Variants in DIP2B observed in about 807,000 individuals in gnomAD.
DIP2B encodes the protein disco-interacting protein 2 homolog B.
A neutral mutation model predicts 198.0 loss-of-function variants in DIP2B; 76 were observed. That is an observed-to-expected ratio of 0.38 (90% CI 0.32 to 0.46). The LOEUF is 0.46. Ranked by LOEUF, DIP2B falls within the 20% of genes least tolerant of loss-of-function variation. DIP2B has a pLI of 0.99. For missense variants in DIP2B, 1,559 were observed against 1,978.4 expected (o/e 0.79, Z 4.02); for synonymous variants, 701 against 739.1 (o/e 0.95, Z 0.84).
chr12:50,524,938 CTAGTCTCAAA>C (rs1204324277), intron 1 of DIP2B, among the ~76,000 whole-genome samples: 3 of 152,162 alleles, frequency 2.0e-5, no homozygotes, highest in African/African-American at 7.2e-5. Flanking sequence ...GTTTCCCAGG[CTAGTCTCAAA>C]TTCTTGGGCT....
In DIP2B at chr12:50,728,650, C is replaced by T. The variant is rs766026626; in HGVS notation, c.3613C>T (p.Leu1205Phe). ...CATCTGCCTTGACCCTTACTGTGGA[C>T]TTGGCTTCGCGCTCTGGTGTCTCTG... The part of the protein sequence containing the change: ...IAICLDPYCG[L>F]GFALWCLCSV... Residue 1205 changes from leucine to phenylalanine, a missense_variant, in exon 30 of 38, where the codon CTT becomes TTT. Physicochemically the swap from Leu to Phe is conservative, Grantham distance 22 (BLOSUM62 0). Coordinates refer to ENST00000301180, the MANE Select transcript of DIP2B (RefSeq NM_173602.3). The T allele has an allele frequency of 1.9e-6, 3 of 1,614,112 alleles. No homozygotes were observed. The highest frequency in any genetic ancestry group is 3.3e-5 in the Admixed American group (2 of 60,022).
chr12:50,685,902 G>A lies in DIP2B; in HGVS notation c.1387G>A (p.Val463Ile), dbSNP rs1219059890. ...TATTGCCTTAGCTCTTACCAGTGAAGTTTGTCTAAAAGGACTGCCAAAAAC... is the reference window on the plus strand; with the variant it reads ...TATTGCCTTAGCTCTTACCAGTGAAATTTGTCTAAAAGGACTGCCAAAAAC... The part of the protein sequence containing the change: ...CGIALALTSE[V>I]CLKGLPKTQN... Residue 463 changes from valine to isoleucine, a missense_variant, in exon 11 of 38, where the codon GTT becomes ATT. Transcript: ENST00000301180. The A allele has an allele frequency of 1.2e-6, 2 of 1,614,008 alleles. No individual in the cohort carries two copies. The highest frequency in any genetic ancestry group is 1.7e-6 in the Non-Finnish European group (2 of 1,179,904).
rs559099910 is a variant in DIP2B, at chr12:50,538,409, G to C, written c.100+33169G>C. Reference sequence around the variant, plus strand: ...ATTGCCGATAGTCAGCATGAATTTGGAGTGGACACAGAAGTATGAAATGGA... The same window carrying C: ...ATTGCCGATAGTCAGCATGAATTTGCAGTGGACACAGAAGTATGAAATGGA... On this transcript the variant is annotated intron_variant, in intron 1 of 37. Coordinates refer to ENST00000301180, the MANE Select transcript of DIP2B (RefSeq NM_173602.3). Among the ~76,000 whole-genome samples the C allele has an allele frequency of 2.6e-5, 4 of 152,278 alleles. No individual in the cohort carries two copies. The South Asian group carries it at 8.3e-4, about 32-fold the overall frequency.
chr12:50,723,761 T>C (rs1315658197), intron 27 of DIP2B, among the ~76,000 whole-genome samples: 1 of 151,636 alleles, frequency 6.6e-6, no homozygotes, highest in Non-Finnish European at 1.5e-5. Context: ...AAAAAAAAAG[T>C]GTTTCCCCCT....
intron 1 of DIP2B, among the ~76,000 whole-genome samples, chr12:50,577,730 G>A (rs1958675811): frequency 6.6e-6 from 1 of 151,316 alleles, no homozygotes; most frequent in Admixed American, 6.6e-5. Flanking sequence ...TCTTATAAAT[G>A]TCTTTTCATT....
At chr12:50,680,625 T>C (rs771425503) in intron 8 of DIP2B, 47 bp from the exon 9 acceptor site, 1 of 1,479,814 alleles carries the variant, frequency 6.8e-7, no homozygotes. Context: ...GAGGTAGACC[T>C]GTTTTTTTTT....
intron 1 of DIP2B, among the ~76,000 whole-genome samples, chr12:50,565,125 C>G (rs1030548578): frequency 7.2e-5 from 11 of 151,940 alleles, no homozygotes; most frequent in African/African-American, 2.7e-4. Flanking sequence ...AGCTCAGCCC[C>G]CTGAGTAGCT....
intron 9 of DIP2B, among the ~76,000 whole-genome samples, chr12:50,682,665 C>T (rs1302607758): frequency 1.5e-5 from 2 of 132,648 alleles, no homozygotes; most frequent in African/African-American, 5.6e-5. Flanking sequence ...AGTAGGAAAA[C>T]TTATATTGGC....
rs1389358525 is a variant in DIP2B at position 50,746,017 on chromosome 12, AC to A, written c.*1179del. On this transcript the variant is annotated 3_prime_UTR_variant, in exon 38 of 38. Coordinates refer to ENST00000301180, the MANE Select transcript of DIP2B (RefSeq NM_173602.3). ...CATGGAACTGTAAGGCCATATAACT[AC>A]ACAAAACTGACCAATCTGGGTTGCC... The A allele has an allele frequency of 1.3e-5, 2 of 152,222 alleles. No individual in the cohort carries two copies. Among genetic ancestry groups the A allele is most frequent in the Non-Finnish European group, 2.9e-5 (2 of 68,042 alleles). 9.4% of individuals were successfully genotyped at this position (152,222 alleles called of 1,614,324 possible).
intron 1 of DIP2B, among the ~76,000 whole-genome samples, chr12:50,588,899 T>C (rs1958793703): frequency 6.6e-6 from 1 of 152,140 alleles, no homozygotes; most frequent in African/African-American, 2.4e-5. Flanking sequence ...TTAAAATTTG[T>C]TTGTGCTGGG....
chr12:50,732,959 G>A (rs1940071112), intron 32 of DIP2B, among the ~76,000 whole-genome samples: 1 of 151,884 alleles, frequency 6.6e-6, no homozygotes, highest in Non-Finnish European at 1.5e-5. Context: ...CAGCTGGAGT[G>A]TAGTGGTGCA....
At chr12:50,584,227 TCA>T (rs1460212390) in intron 1 of DIP2B, among the ~76,000 whole-genome samples, 1 of 152,244 alleles carries the variant, frequency 6.6e-6, no homozygotes, top group African/African-American at 2.4e-5. Context: ...GACCCAGACC[TCA>T]CAGGTACAGA....
intron 1 of DIP2B, among the ~76,000 whole-genome samples, chr12:50,580,473 AT>A (rs1345715511): frequency 1.4e-5 from 2 of 143,574 alleles, no homozygotes; most frequent in African/African-American, 2.6e-5. Context: ...TTTTCTTTAT[AT>A]TTTGCAGAAA....
chr12:50,728,649 AC>A lies in DIP2B; in HGVS notation c.3613del (p.Gly1206AlafsTer18). On this transcript the variant is annotated frameshift_variant, in exon 30 of 38. Transcript: ENST00000301180. LOFTEE classifies it high-confidence loss of function. ...IAICLDPYCG[L>X]GFALWCLCSV... ...CCATCTGCCTTGACCCTTACTGTGG[AC>A]TTGGCTTCGCGCTCTGGTGTCTCTG... is the stretch of plus-strand genomic sequence containing the variant. The A allele has an allele frequency of 6.2e-7, 1 of 1,614,082 alleles. No individual in the cohort carries two copies. Among genetic ancestry groups the A allele is most frequent in the Non-Finnish European group, 8.5e-7 (1 of 1,180,000 alleles).
At chr12:50,540,096 T>C (rs1401215007) in intron 1 of DIP2B, among the ~76,000 whole-genome samples, 1 of 110,068 alleles carries the variant, frequency 9.1e-6, no homozygotes, top group Non-Finnish European at 1.9e-5. Flanking sequence ...ATTGCAAATA[T>C]CATAGCTATG....
At chr12:50,652,128 A>G (rs1019626298) in intron 3 of DIP2B, among the ~76,000 whole-genome samples, 3 of 151,928 alleles carry the variant, frequency 2.0e-5, no homozygotes, top group East Asian at 1.9e-4. Context: ...CCTGACCAAC[A>G]TGGTGAAACC....
chr12:50,609,003 G>A (rs1423148927), intron 1 of DIP2B, among the ~76,000 whole-genome samples: 1 of 152,120 alleles, frequency 6.6e-6, no homozygotes, highest in African/African-American at 2.4e-5. Context: ...TTAGCCAGGT[G>A]TGCTGATGGG....
chr12:50,604,333 CGTT>C (rs772482945), intron 1 of DIP2B, among the ~76,000 whole-genome samples: 129 of 152,156 alleles, frequency 8.5e-4, no homozygotes, highest in Non-Finnish European at 1.4e-3. Context: ...TGTGAGCTAA[CGTT>C]GTCAAGTGAC....
intron 8 of DIP2B, 22 bp from the exon 9 acceptor site, chr12:50,680,650 T>G (rs773863137): frequency 1.7e-5 from 27 of 1,599,212 alleles, no homozygotes; most frequent in Admixed American, 3.4e-5. Context: ...ATGACTGTTG[T>G]TTTTTTTTCC....
Sources: gnomAD v4.1 joint callset for allele counts (sites outside exome capture counted in the v4.1 genomes callset) on GRCh38, gnomAD v4.1.1 for gene constraint, MANE v1.5 for transcripts, NCBI Gene and HGNC (gene_info 2026-07-23, HGNC 2026-07-21) for gene names.